Variants in MACROD2 observed in about 807,000 individuals in gnomAD.
MACROD2 encodes ADP-ribose glycohydrolase MACROD2.
A neutral mutation model predicts 70.4 loss-of-function variants in MACROD2; 36 were observed. The ratio of observed to expected loss-of-function variants is 0.51; its 90% confidence interval spans 0.39 to 0.68. MACROD2 has a LOEUF of 0.68. Among genes scored for constraint, MACROD2 ranks in the 30% least tolerant of loss-of-function variants. The pLI, the probability that MACROD2 is intolerant of heterozygous loss-of-function variation, is 0.00. For synonymous variants in MACROD2, 172 were observed against 178.8 expected (o/e 0.96, Z 0.30); for missense variants, 496 against 538.4 (o/e 0.92, Z 0.78).
At chr20:15,139,992 C>T (rs1423965973) in intron 5 of MACROD2, among the ~76,000 whole-genome samples, 4 of 152,186 alleles carry the variant, frequency 2.6e-5, no homozygotes, top group Non-Finnish European at 5.9e-5. Context: ...GCCATTGAGG[C>T]AGCAAGCCCA....
chr20:15,429,096 A>G (rs1203674865), intron 6 of MACROD2, among the ~76,000 whole-genome samples: 1 of 152,050 alleles, frequency 6.6e-6, no homozygotes, highest in Non-Finnish European at 1.5e-5. Flanking sequence ...CTGTTCCTGA[A>G]CTCTGAGTCC....
intron 4 of MACROD2, among the ~76,000 whole-genome samples, chr20:14,592,179 G>A (rs1028598789): frequency 3.3e-5 from 5 of 152,100 alleles, no homozygotes; most frequent in Non-Finnish European, 7.4e-5. Context: ...ATATATACAC[G>A]ATATGGTTAA....
intron 3 of MACROD2, among the ~76,000 whole-genome samples, chr20:14,186,866 G>T (rs1274932428): frequency 3.3e-5 from 5 of 152,108 alleles, no homozygotes; most frequent in Non-Finnish European, 7.4e-5. Flanking sequence ...AATACCACAT[G>T]TTCTAATTTA....
At chr20:16,024,175 G>C (rs1247938017) in intron 15 of MACROD2, among the ~76,000 whole-genome samples, 1 of 152,140 alleles carries the variant, frequency 6.6e-6, no homozygotes. Flanking sequence ...GCAAGTTTGT[G>C]TCCTAAATTC....
In MACROD2 at chr20:14,719,774, A is replaced by T. The variant is rs1378069148; in HGVS notation, c.418+34815A>T. On this transcript the variant is annotated intron_variant, in intron 5 of 17. Transcript: ENST00000684519. Reference sequence around the variant, plus strand: ...GGAAATTGTAGTTTACATTACTTCTAATTCGAGGCCTATGTTTGGTCATTA... The same window carrying T: ...GGAAATTGTAGTTTACATTACTTCTTATTCGAGGCCTATGTTTGGTCATTA... Among the ~76,000 whole-genome samples, 15 of 152,156 alleles carry T rather than the reference A, an allele frequency of 9.9e-5. 1 individual carries two copies. Among genetic ancestry groups the T allele is most frequent in the Admixed American group, 9.8e-4 (15 of 15,276 alleles).
chr20:15,372,387 T>G (rs1421999849), intron 6 of MACROD2, among the ~76,000 whole-genome samples: 2 of 152,232 alleles, frequency 1.3e-5, no homozygotes, highest in African/African-American at 2.4e-5. Context: ...GTACTGTATA[T>G]TCAGACTTTA....
intron 8 of MACROD2, among the ~76,000 whole-genome samples, chr20:15,686,184 T>C (rs2050222368): frequency 6.6e-6 from 1 of 152,198 alleles, no homozygotes; most frequent in South Asian, 2.1e-4. Flanking sequence ...CCATAATTTT[T>C]TTCAGTAAAC....
At chr20:15,405,319 A>G (rs1403573292) in intron 6 of MACROD2, among the ~76,000 whole-genome samples, 1 of 152,190 alleles carries the variant, frequency 6.6e-6, no homozygotes, top group Non-Finnish European at 1.5e-5. Context: ...ATCTCAATGA[A>G]AAAGGAGATT....
chr20:15,084,728 C>T (rs441902), intron 5 of MACROD2, among the ~76,000 whole-genome samples: 120,164 of 152,126 alleles, frequency 0.79, 47,663 homozygotes, highest in African/African-American at 0.84. Context: ...AGCATACATT[C>T]AGTTCTTCCT....
intron 6 of MACROD2, among the ~76,000 whole-genome samples, chr20:15,247,475 C>A (rs2077116382): frequency 6.6e-6 from 1 of 152,022 alleles, no homozygotes; most frequent in Non-Finnish European, 1.5e-5. Context: ...AAATTACACA[C>A]AAAAAAGTAT....
intron 6 of MACROD2, among the ~76,000 whole-genome samples, chr20:15,378,125 G>T (rs1242594913): frequency 6.6e-6 from 1 of 150,872 alleles, no homozygotes; most frequent in East Asian, 1.9e-4. Flanking sequence ...ATGTATCCCA[G>T]AACTTAAGCT....
intron 3 of MACROD2, among the ~76,000 whole-genome samples, chr20:14,248,130 A>C (rs185259228): frequency 6.6e-6 from 1 of 152,170 alleles, no homozygotes. Flanking sequence ...CTGACTAAAT[A>C]TAAGAAAATG....
At chr20:15,580,775 A>C (rs1409353455) in intron 8 of MACROD2, among the ~76,000 whole-genome samples, 1 of 152,192 alleles carries the variant, frequency 6.6e-6, no homozygotes, top group East Asian at 1.9e-4. Context: ...CATCATAACC[A>C]TAACAAATGG....
At chr20:14,697,809 A>G (rs978441573) in intron 5 of MACROD2, among the ~76,000 whole-genome samples, 4 of 152,206 alleles carry the variant, frequency 2.6e-5, no homozygotes, top group Non-Finnish European at 5.9e-5. Context: ...TAGAGTCACA[A>G]TGACAGCAGT....
rs2067448223 is a variant in MACROD2, at chr20:16,050,771, C to T, written c.*895C>T. On this transcript the variant is annotated 3_prime_UTR_variant, in exon 18 of 18. Transcript: ENST00000684519. ...TGCCTATGAATATCAAAAGCTCCTC[C>T]TGAAATTGCTGTGAGTTTTCCATAA... 6.6e-6 allele frequency: 1 copy of T among 152,254 alleles called. No homozygotes were observed. The highest frequency in any genetic ancestry group is 2.4e-5 in the African/African-American group (1 of 41,454). 9.4% of individuals were successfully genotyped at this position (152,254 alleles called of 1,614,324 possible).
At chr20:14,973,098 A>G (rs2096574699) in intron 5 of MACROD2, among the ~76,000 whole-genome samples, 1 of 152,162 alleles carries the variant, frequency 6.6e-6, no homozygotes, top group South Asian at 2.1e-4. Context: ...TGAGAAATTT[A>G]TCATAAATCA....
At chr20:15,649,861 A>C (rs1397984908) in intron 8 of MACROD2, among the ~76,000 whole-genome samples, 1 of 152,220 alleles carries the variant, frequency 6.6e-6, no homozygotes, top group Non-Finnish European at 1.5e-5. Flanking sequence ...CAAAGATGTC[A>C]CATATACAAA....
chr20:14,168,309 T>G (rs540520619), intron 3 of MACROD2, among the ~76,000 whole-genome samples: 1 of 152,318 alleles, frequency 6.6e-6, no homozygotes, highest in East Asian at 1.9e-4. Flanking sequence ...CAAAGATACC[T>G]TCTAAGTTGT....
At chr20:15,244,020 TA>T (rs1233315064) in intron 6 of MACROD2, among the ~76,000 whole-genome samples, 3 of 152,224 alleles carry the variant, frequency 2.0e-5, no homozygotes, top group Non-Finnish European at 4.4e-5. Flanking sequence ...TTTAATAAGT[TA>T]TATTAAATAT....
Sources: gnomAD v4.1 joint callset for allele counts (sites outside exome capture counted in the v4.1 genomes callset) on GRCh38, gnomAD v4.1.1 for gene constraint, MANE v1.5 for transcripts, NCBI Gene and HGNC (gene_info 2026-07-23, HGNC 2026-07-21) for gene names.